Variants in TCERG1L observed in about 807,000 individuals in gnomAD.
TCERG1L encodes transcription elongation regulator 1 like.
In TCERG1L, 37 loss-of-function variants were observed where a neutral mutation model predicts 56.3. The ratio of observed to expected loss-of-function variants is 0.66; its 90% CI spans 0.51 to 0.87. The LOEUF (loss-of-function observed/expected upper bound fraction) is 0.87, where lower values mean the gene tolerates loss of function less well. TCERG1L is among the 40% of genes least tolerant of loss of function. TCERG1L has a pLI of 0.00. For missense variants in TCERG1L, 799 were observed against 774.2 expected (o/e 1.03, Z -0.38); for synonymous variants, 324 against 326.3 (o/e 0.99, Z 0.08).
chr10:131,155,796 ACC>A (rs922723118), intron 6 of TCERG1L, among the ~76,000 whole-genome samples: 1 of 151,808 alleles, frequency 6.6e-6, no homozygotes, highest in South Asian at 2.1e-4. Flanking sequence ...CCCACGGCCC[ACC>A]CCCCACTCCC....
chr10:131,286,484 G>A (rs1236684152), intron 3 of TCERG1L, among the ~76,000 whole-genome samples: 2 of 152,128 alleles, frequency 1.3e-5, no homozygotes, highest in Admixed American at 6.5e-5. Context: ...AACATTAACT[G>A]GAGCTAGGAG....
intron 4 of TCERG1L, among the ~76,000 whole-genome samples, chr10:131,220,038 G>A (rs1007064617): frequency 1.3e-5 from 2 of 152,162 alleles, no homozygotes; most frequent in African/African-American, 4.8e-5. Flanking sequence ...TACGACCTCT[G>A]CCTCCCTGAG....
At chr10:131,261,245 A>G (rs1846235145) in intron 3 of TCERG1L, among the ~76,000 whole-genome samples, 1 of 152,254 alleles carries the variant, frequency 6.6e-6, no homozygotes. Flanking sequence ...AGTTTCCCAA[A>G]TAAATGTGGT....
chr10:131,252,710 C>A (rs1269175348), intron 4 of TCERG1L, among the ~76,000 whole-genome samples: 1 of 152,204 alleles, frequency 6.6e-6, no homozygotes, highest in Non-Finnish European at 1.5e-5. Flanking sequence ...ACCATGGATA[C>A]TATTTCCAAC....
intron 3 of TCERG1L, among the ~76,000 whole-genome samples, chr10:131,264,002 A>G (rs2133546706): frequency 1.4e-5 from 2 of 146,372 alleles, no homozygotes; most frequent in Middle Eastern, 3.5e-3. Flanking sequence ...TCCAAACCCC[A>G]GGAACCACTG....
At chr10:131,122,321 C>T (rs1354617508) in intron 8 of TCERG1L, among the ~76,000 whole-genome samples, 3 of 152,230 alleles carry the variant, frequency 2.0e-5, no homozygotes, top group East Asian at 1.9e-4. Flanking sequence ...AAGGGGCTGG[C>T]GTGTCAGGAA....
At position 131,159,413 on chromosome 10, in the gene TCERG1L, C is replaced by T. The variant is rs537868550; in HGVS notation, c.1034+3709G>A. ...GGGCTCTGCCAAGCTCCTGCTGAGA[C>T]CCCCTGTGGTCTTCTTAGAAAGTTC... is the stretch of plus-strand genomic sequence containing the variant. On this transcript the variant is annotated intron_variant, in intron 6 of 11. Coordinates refer to ENST00000368642, the MANE Select transcript of TCERG1L (RefSeq NM_174937.4). Among the ~76,000 whole-genome samples the T allele has an allele frequency of 6.6e-5, 10 of 152,286 alleles. No homozygotes were observed. The East Asian group carries it at 7.7e-4, about 12-fold the overall frequency.
intron 8 of TCERG1L, among the ~76,000 whole-genome samples, chr10:131,129,329 C>G (rs917860167): frequency 6.6e-6 from 1 of 152,032 alleles, no homozygotes; most frequent in East Asian, 1.9e-4. Context: ...TTTAAAATTC[C>G]TTATATTGTA....
intron 4 of TCERG1L, among the ~76,000 whole-genome samples, chr10:131,222,950 T>C (rs1201358533): frequency 6.6e-6 from 1 of 152,128 alleles, no homozygotes; most frequent in African/African-American, 2.4e-5. Flanking sequence ...GCCCCGCCTG[T>C]GGGAAGTCTG....
chr10:131,115,362 G>A (rs1222225778), intron 9 of TCERG1L, among the ~76,000 whole-genome samples: 1 of 152,258 alleles, frequency 6.6e-6, no homozygotes, highest in Non-Finnish European at 1.5e-5. Flanking sequence ...AGAGCAGGAG[G>A]AGGGCAGGAA....
intron 4 of TCERG1L, among the ~76,000 whole-genome samples, chr10:131,181,105 C>A (rs547706342): frequency 6.6e-6 from 1 of 152,328 alleles, no homozygotes; most frequent in Admixed American, 6.5e-5. Context: ...AGAGTCCAGA[C>A]CTCCGCGCTG....
intron 4 of TCERG1L, among the ~76,000 whole-genome samples, chr10:131,225,636 G>C (rs1267259633): frequency 6.6e-6 from 1 of 152,108 alleles, no homozygotes; most frequent in Non-Finnish European, 1.5e-5. Context: ...AACGGCTCCA[G>C]AATCATCCCA....
At chr10:131,197,910 T>C (rs1347906041) in intron 4 of TCERG1L, among the ~76,000 whole-genome samples, 1 of 152,232 alleles carries the variant, frequency 6.6e-6, no homozygotes, top group Non-Finnish European at 1.5e-5. Flanking sequence ...TTTTGAATTA[T>C]TTTTGCTCTT....
intron 7 of TCERG1L, among the ~76,000 whole-genome samples, chr10:131,144,931 C>T (rs565794748): frequency 1.6e-4 from 25 of 152,302 alleles, no homozygotes; most frequent in Non-Finnish European, 3.1e-4. Context: ...CCAGTGGGGG[C>T]GTTTGCAGAT....
chr10:131,291,349 TATAG>T (rs1846619578), intron 3 of TCERG1L, among the ~76,000 whole-genome samples: 1 of 145,880 alleles, frequency 6.9e-6, no homozygotes, highest in Admixed American at 7.1e-5. Flanking sequence ...CCAAGATATA[TATAG>T]ATAGATACCT....
At chr10:131,299,609 C>A (rs553531102) in intron 3 of TCERG1L, among the ~76,000 whole-genome samples, 1 of 149,364 alleles carries the variant, frequency 6.7e-6, no homozygotes, top group African/African-American at 2.5e-5. Flanking sequence ...CCTTAGATGT[C>A]CTCTGTCAAT....
intron 4 of TCERG1L, among the ~76,000 whole-genome samples, chr10:131,205,906 C>T (rs534487173): frequency 2.0e-5 from 3 of 152,340 alleles, no homozygotes; most frequent in African/African-American, 7.2e-5. Context: ...GGTGACTGCC[C>T]TCCACCTGGC....
At chr10:131,282,779 G>C (rs1846475878) in intron 3 of TCERG1L, among the ~76,000 whole-genome samples, 2 of 152,098 alleles carry the variant, frequency 1.3e-5, no homozygotes, top group African/African-American at 4.8e-5. Context: ...CAGAAAATGA[G>C]ACAGACACAG....
intron 7 of TCERG1L, among the ~76,000 whole-genome samples, chr10:131,139,190 C>T (rs773422400): frequency 6.6e-6 from 1 of 152,214 alleles, no homozygotes; most frequent in Non-Finnish European, 1.5e-5. Context: ...TTCGGCAGTA[C>T]CTGCCCAAAA....
Sources: gnomAD v4.1 joint callset for allele counts (sites outside exome capture counted in the v4.1 genomes callset) on GRCh38, gnomAD v4.1.1 for gene constraint, MANE v1.5 for transcripts, NCBI Gene and HGNC (gene_info 2026-07-23, HGNC 2026-07-21) for gene names.